Variants in ROBO1 observed in about 807,000 individuals in gnomAD.
ROBO1 encodes roundabout guidance receptor 1.
Under a neutral mutation model 195.9 loss-of-function variants are expected in ROBO1, and 149 were observed. That is an observed-to-expected ratio of 0.76 (90% confidence interval 0.67 to 0.87). ROBO1 has a LOEUF of 0.87. Among genes scored for constraint, ROBO1 ranks in the 40% least tolerant of loss-of-function variants. The probability of loss-of-function intolerance (pLI) is 0.00; values close to 1 mark genes in which losing one functional copy is unlikely to be tolerated. For synonymous variants in ROBO1, 816 were observed against 733.2 expected (o/e 1.11, Z -1.82); for missense variants, 1,933 against 2,068.3 (o/e 0.93, Z 1.27).
chr3:78,850,031 G>A (rs1324196229), intron 4 of ROBO1, among the ~76,000 whole-genome samples: 1 of 152,114 alleles, frequency 6.6e-6, no homozygotes, highest in Non-Finnish European at 1.5e-5. Context: ...TACCTACGGT[G>A]TTCCATACAG....
chr3:78,629,635 G>A (rs1705050047), intron 25 of ROBO1, among the ~76,000 whole-genome samples: 1 of 147,262 alleles, frequency 6.8e-6, no homozygotes, highest in Non-Finnish European at 1.5e-5. Context: ...GTGAGTCCCT[G>A]TTTCTAAAAA....
At chr3:79,222,813 A>C (rs2082163701) in intron 2 of ROBO1, among the ~76,000 whole-genome samples, 1 of 152,246 alleles carries the variant, frequency 6.6e-6, no homozygotes, top group South Asian at 2.1e-4. Flanking sequence ...AATTTAATAT[A>C]TTCGGGATAA....
intron 2 of ROBO1, among the ~76,000 whole-genome samples, chr3:79,185,385 T>C (rs1483621317): frequency 6.6e-6 from 1 of 152,138 alleles, no homozygotes; most frequent in East Asian, 1.9e-4. Context: ...GGACAAAAAG[T>C]TTCATTTTCA....
At chr3:78,684,739 C>G (rs187867422) in intron 10 of ROBO1, among the ~76,000 whole-genome samples, 1 of 152,014 alleles carries the variant, frequency 6.6e-6, no homozygotes, top group Non-Finnish European at 1.5e-5. Context: ...GATGAGGAGT[C>G]AAAGATGACT....
At chr3:79,714,415 T>A (rs967336917) in intron 1 of ROBO1, among the ~76,000 whole-genome samples, 18 of 152,110 alleles carry the variant, frequency 1.2e-4, no homozygotes, top group Non-Finnish European at 2.4e-4. Flanking sequence ...TGTAAACTAG[T>A]CCAAATATTG....
chr3:78,880,920 C>A (rs1263565112), intron 4 of ROBO1, among the ~76,000 whole-genome samples: 2 of 152,114 alleles, frequency 1.3e-5, no homozygotes, highest in African/African-American at 4.8e-5. Context: ...AGAAAAGAAG[C>A]CCTCATTTAA....
At chr3:78,647,520 A>C (rs1706377444) in intron 20 of ROBO1, 109 bp downstream of exon 20, 1 of 1,048,692 alleles carries the variant, frequency 9.5e-7, no homozygotes, top group South Asian at 1.3e-5. Flanking sequence ...TTCCACTTTA[A>C]GTTCTTTCCC....
At chr3:78,895,448 A>G (rs749665304) in intron 4 of ROBO1, among the ~76,000 whole-genome samples, 5 of 152,328 alleles carry the variant, frequency 3.3e-5, no homozygotes, top group Non-Finnish European at 5.9e-5. Context: ...ATATTTTGAA[A>G]TGCTATCATT....
chr3:79,709,339 G>A (rs895032124), intron 1 of ROBO1, among the ~76,000 whole-genome samples: 1 of 151,948 alleles, frequency 6.6e-6, no homozygotes, highest in African/African-American at 2.4e-5. Flanking sequence ...AGTCTAATAT[G>A]TAATTATTAT....
At chr3:79,388,512 G>GA (rs1471331463) in intron 2 of ROBO1, among the ~76,000 whole-genome samples, 38 of 150,148 alleles carry the variant, frequency 2.5e-4, no homozygotes, top group African/African-American at 8.3e-4. Flanking sequence ...CTCTCAAGTA[G>GA]GAAAAAAACA....
chr3:78,808,233 C>G (rs558949073), intron 4 of ROBO1, among the ~76,000 whole-genome samples: 1 of 152,252 alleles, frequency 6.6e-6, no homozygotes, highest in Non-Finnish European at 1.5e-5. Context: ...GAGACAGACT[C>G]TCGCTCGATT....
chr3:78,636,372 A>C (rs1705503226), intron 22 of ROBO1, among the ~76,000 whole-genome samples: 1 of 152,166 alleles, frequency 6.6e-6, no homozygotes, highest in Non-Finnish European at 1.5e-5. Context: ...AATTCATCCA[A>C]TTTAAAATAA....
chr3:78,635,944 C>T lies in ROBO1; in HGVS notation c.3202G>A (p.Gly1068Arg), dbSNP rs1705468867. ...GTGGTGGCGTAAGGAGTAGGCTGCC[C>T]TGATGGATTGACAAAACGCCCATCC... is the stretch of plus-strand genomic sequence containing the variant. Reference protein sequence around the residue: ...LKDGRFVNPSGQPTPYATTQL... With the variant: ...LKDGRFVNPSRQPTPYATTQL... The change falls in exon 23 of 31, where the codon GGG (glycine) becomes AGG (arginine). Residue 1068 changes from glycine to arginine, a missense_variant. Transcript: ENST00000464233. 1.2e-6 allele frequency: 2 copies of T among 1,613,890 alleles called. No homozygotes were observed. Among genetic ancestry groups the T allele is most frequent in the East Asian group, 4.5e-5 (2 of 44,878 alleles).
intron 3 of ROBO1, among the ~76,000 whole-genome samples, chr3:79,123,698 T>A (rs974847937): frequency 7.2e-5 from 11 of 152,012 alleles, no homozygotes; most frequent in Admixed American, 1.3e-4. Flanking sequence ...TGTCTTTCAG[T>A]CACTTTGCAT....
chr3:79,648,977 A>G (rs553154940), intron 1 of ROBO1, among the ~76,000 whole-genome samples: 78 of 152,222 alleles, frequency 5.1e-4, no homozygotes, highest in African/African-American at 1.8e-3. Context: ...GAACACATGA[A>G]GATATTTTCA....
chr3:79,398,911 CA>C (rs2037254527), intron 2 of ROBO1, among the ~76,000 whole-genome samples: 1 of 151,842 alleles, frequency 6.6e-6, no homozygotes, highest in Non-Finnish European at 1.5e-5. Context: ...GTGCTTTATA[CA>C]TAAAAAGTAT....
intron 2 of ROBO1, among the ~76,000 whole-genome samples, chr3:79,363,346 C>T (rs2035842985): frequency 6.6e-6 from 1 of 152,092 alleles, no homozygotes; most frequent in Non-Finnish European, 1.5e-5. Flanking sequence ...TCAACATGAT[C>T]ACAAAACATG....
chr3:79,570,706 G>A (rs1487042543), intron 2 of ROBO1, among the ~76,000 whole-genome samples: 1 of 152,080 alleles, frequency 6.6e-6, no homozygotes, highest in Non-Finnish European at 1.5e-5. Context: ...AAACAATCGT[G>A]CTGTGTATTA....
chr3:78,645,392 T>C (rs1706212525), intron 21 of ROBO1, among the ~76,000 whole-genome samples: 1 of 151,396 alleles, frequency 6.6e-6, no homozygotes, highest in Non-Finnish European at 1.5e-5. Context: ...AATTATAAGA[T>C]GGTTTTGGTT....
Sources: gnomAD v4.1 joint callset for allele counts (sites outside exome capture counted in the v4.1 genomes callset) on GRCh38, gnomAD v4.1.1 for gene constraint, MANE v1.5 for transcripts, NCBI Gene and HGNC (gene_info 2026-07-23, HGNC 2026-07-21) for gene names.